Variants in TRUB1 observed in about 807,000 individuals in gnomAD.
TRUB1 encodes the protein pseudouridylate synthase TRUB1.
Under a neutral mutation model 33.9 loss-of-function variants are expected in TRUB1, and 23 were observed. The observed-to-expected ratio is 0.68, with a 90% confidence interval of 0.49 to 0.96. The LOEUF (loss-of-function observed/expected upper bound fraction) is 0.96, where lower values mean the gene tolerates loss of function less well. Among genes scored for constraint, TRUB1 ranks in the 40% least tolerant of loss-of-function variants. The pLI is 0.00. For synonymous variants in TRUB1, 163 were observed against 165.4 expected, an observed-to-expected ratio of 0.99 and a Z score of 0.11; for missense variants, 378 against 422.2, an observed-to-expected ratio of 0.90 and a Z score of 0.92.
Position 114,938,442 on chromosome 10 carries a change from C to T in TRUB1, c.189C>T (p.Thr63=). ...EARVSKAALA[T]KLLSLSGVFA... ...GGGTCTCCAAGGCCGCTTTGGCTAC[C>T]AAGCTGCTGTCCTTGAGCGGCGTGT... Residue 63 remains threonine, a synonymous_variant, in exon 1 of 8, where the codon ACC becomes ACT. Coordinates refer to ENST00000298746, the MANE Select transcript of TRUB1 (RefSeq NM_139169.5). 2 of 1,596,360 alleles carry T rather than the reference C, an allele frequency of 1.3e-6. No individual in the cohort carries two copies. The highest frequency in any genetic ancestry group is 8.5e-7 in the Non-Finnish European group (1 of 1,171,546).
At chr10:114,940,340 C>T (rs1048549196) in intron 1 of TRUB1, among the ~76,000 whole-genome samples, 4 of 152,100 alleles carry the variant, frequency 2.6e-5, no homozygotes, top group African/African-American at 4.8e-5. Context: ...AGGCTGGGCT[C>T]GAACTCCCGA....
chr10:114,942,786 T>G lies in TRUB1; in HGVS notation c.385+43T>G, dbSNP rs2084194521. 6 of 1,241,962 alleles carry G rather than the reference T, an allele frequency of 4.8e-6. 1 individual carries two copies. In the South Asian group the frequency reaches 7.3e-5, roughly 15 times the overall value. 76.9% of individuals were successfully genotyped at this position (1,241,962 alleles called of 1,614,324 possible). On this transcript the variant is annotated intron_variant, in intron 2 of 7. Coordinates refer to ENST00000298746, the MANE Select transcript of TRUB1 (RefSeq NM_139169.5). ...CAGTTAAGTGTCCACTGTCACTTAA[T>G]ATCAGAAAGAAACACTGGTTGAGAA...
chr10:114,963,105 C>G (rs1411315090), intron 4 of TRUB1, among the ~76,000 whole-genome samples: 1 of 152,252 alleles, frequency 6.6e-6, no homozygotes, highest in Admixed American at 6.5e-5. Context: ...GAAGGCCTAA[C>G]TGTCCCTGTA....
Position 114,951,102 on chromosome 10 carries a change from A to C in TRUB1, c.394A>C (p.Ile132Leu). ...SAARGVLVVG[I>L]GSGTKMLTSM... ...CTTTCTTTGATTTGTAGTTGTTGGA[A>C]TTGGAAGCGGAACAAAAATGTTGAC... Residue 132 changes from isoleucine (I) to leucine (L), a missense_variant, in exon 3 of 8, where the codon ATT (isoleucine) becomes CTT (leucine). Transcript: ENST00000298746. 3 of 1,612,364 alleles carry C rather than the reference A, an allele frequency of 1.9e-6. No homozygotes were observed. Among genetic ancestry groups the C allele is most frequent in the Non-Finnish European group, 2.5e-6 (3 of 1,178,930 alleles).
intron 4 of TRUB1, among the ~76,000 whole-genome samples, chr10:114,961,045 T>G (rs1481507833): frequency 6.6e-6 from 1 of 152,154 alleles, no homozygotes; most frequent in African/African-American, 2.4e-5. Flanking sequence ...TAGACAAATC[T>G]GGGTTTAATT....
intron 4 of TRUB1, among the ~76,000 whole-genome samples, chr10:114,960,943 T>C (rs1472832001): frequency 6.6e-6 from 1 of 152,110 alleles, no homozygotes; most frequent in Non-Finnish European, 1.5e-5. Flanking sequence ...ATAAGGAGAA[T>C]GATTATTATT....
chr10:114,957,236 A>C (rs555869284), intron 3 of TRUB1, among the ~76,000 whole-genome samples: 12 of 152,336 alleles, frequency 7.9e-5, no homozygotes, highest in African/African-American at 2.9e-4. Flanking sequence ...CTTGGAAAAC[A>C]GTGAATATCT....
intron 4 of TRUB1, among the ~76,000 whole-genome samples, chr10:114,967,015 G>A (rs1451510972): frequency 6.6e-6 from 1 of 152,318 alleles, no homozygotes; most frequent in African/African-American, 2.4e-5. Context: ...CCTTGTAAGA[G>A]CTTTGGTAGT....
At chr10:114,958,071 C>T (rs1055633361) in intron 3 of TRUB1, among the ~76,000 whole-genome samples, 1 of 152,218 alleles carries the variant, frequency 6.6e-6, no homozygotes, top group Non-Finnish European at 1.5e-5. Context: ...TTGTTTTCCA[C>T]ATTTTAAGAT....
intron 3 of TRUB1, among the ~76,000 whole-genome samples, chr10:114,952,894 T>C (rs1308180330): frequency 6.6e-6 from 1 of 152,190 alleles, no homozygotes. Flanking sequence ...TACTTTAATA[T>C]GGGATTATGG....
rs1411403552 is a variant in TRUB1, at chr10:114,959,691, A to G, written c.442-35A>G. The G allele has an allele frequency of 7.7e-6, 11 of 1,433,836 alleles. No homozygotes were observed. The African/African-American group carries it at 1.6e-4, about 20-fold the overall frequency. 88.8% of individuals were successfully genotyped at this position (1,433,836 alleles called of 1,614,324 possible). A position where few individuals can be genotyped will look rare whatever the true frequency, so the allele number is the denominator to read the frequency against. ...ATGCATAACAGTTTTTGTTTGCCTC[A>G]CGGCCCATTTTCTCTCTTGTTTCCC... is the stretch of plus-strand genomic sequence containing the variant. On this transcript the variant is annotated intron_variant, in intron 3 of 7. Transcript: ENST00000298746.
intron 4 of TRUB1, among the ~76,000 whole-genome samples, chr10:114,969,201 G>T (rs182943128): frequency 4.6e-5 from 7 of 151,040 alleles, no homozygotes; most frequent in Admixed American, 2.0e-4. Context: ...GGAGGCTGAG[G>T]CAGGAGGATC....
chr10:114,938,733 T>C (rs2084171777), intron 1 of TRUB1, among the ~76,000 whole-genome samples, 194 bp downstream of exon 1: 1 of 152,208 alleles, frequency 6.6e-6, no homozygotes. Context: ...GTAGCCTACT[T>C]GGCAGTTGTA....
Position 114,947,737 on chromosome 10 carries a change from G to A in TRUB1, c.386-3357G>A, listed in dbSNP as rs12268801. ...TGGCTATAAAATGTTCCATCATATG[G>A]CTAAAATACCATTTATTAACCATTT... On this transcript the variant is annotated intron_variant, in intron 2 of 7. Coordinates refer to ENST00000298746, the MANE Select transcript of TRUB1 (RefSeq NM_139169.5). Among the ~76,000 whole-genome samples the A allele has an allele frequency of 3.4e-3, 521 of 152,222 alleles. 5 individuals carry two copies. The highest frequency in any genetic ancestry group is 0.012 in the African/African-American group (485 of 41,544).
chr10:114,944,000 CTTTTTTT>C lies in TRUB1; in HGVS notation c.385+1273_385+1279del, dbSNP rs573847481. 6.2e-4 allele frequency among the ~76,000 whole-genome samples: 63 copies of C among 101,518 alleles called. No individual in the cohort carries two copies. In the South Asian group the frequency reaches 7.5e-3, roughly 12 times the overall value. The allele number at this position is 101,518 out of a possible 152,430, so 66.6% of individuals were successfully genotyped here. A position where few individuals can be genotyped will look rare whatever the true frequency, so the allele number is the denominator to read the frequency against. On this transcript the variant is annotated intron_variant, in intron 2 of 7. Coordinates refer to ENST00000298746, the MANE Select transcript of TRUB1 (RefSeq NM_139169.5). ...AATATTTTATCCTTTTTTATTCCAT[CTTTTTTT>C]TTTTTTTTTTTTTTTGCACCTGGTA...
intron 4 of TRUB1, 187 bp downstream of exon 4, chr10:114,959,994 T>C (rs1446157059): frequency 5.6e-6 from 3 of 535,916 alleles, no homozygotes; most frequent in Middle Eastern, 4.8e-4. Flanking sequence ...TGAATAAAGA[T>C]TTATTGTGAT....
intron 3 of TRUB1, among the ~76,000 whole-genome samples, chr10:114,954,206 G>T (rs1383983808): frequency 6.6e-6 from 1 of 152,096 alleles, no homozygotes; most frequent in Non-Finnish European, 1.5e-5. Flanking sequence ...GTGTAGGATG[G>T]AGTTACGTCA....
At chr10:114,941,992 G>A (rs1035764244) in intron 1 of TRUB1, among the ~76,000 whole-genome samples, 21 of 151,794 alleles carry the variant, frequency 1.4e-4, no homozygotes, top group Non-Finnish European at 2.1e-4. Context: ...CACCGTGTTA[G>A]CCAGGATGGT....
At chr10:114,939,461 G>A (rs1033504581) in intron 1 of TRUB1, among the ~76,000 whole-genome samples, 1 of 144,302 alleles carries the variant, frequency 6.9e-6, no homozygotes, top group East Asian at 1.9e-4. Flanking sequence ...GAGTTTGGCC[G>A]TATTCTGTCT....
Sources: gnomAD v4.1 joint callset for allele counts (sites outside exome capture counted in the v4.1 genomes callset) on GRCh38, gnomAD v4.1.1 for gene constraint, MANE v1.5 for transcripts, NCBI Gene and HGNC (gene_info 2026-07-23, HGNC 2026-07-21) for gene names.